The following ZBTB20 variants were observed in gnomAD, a reference collection of about 807,000 sequenced individuals.
The protein encoded by ZBTB20 is zinc finger and BTB domain-containing protein 20.
ZBTB20 carries 9 observed loss-of-function variants against 56.9 expected under a neutral mutation model. The ratio of observed to expected loss-of-function variants is 0.16; its 90% CI spans 0.10 to 0.28. The LOEUF (loss-of-function observed/expected upper bound fraction) is 0.28, where lower values mean the gene tolerates loss of function less well. Among genes scored for constraint, ZBTB20 ranks in the 10% least tolerant of loss-of-function variants. ZBTB20 has a pLI of 1.00. For synonymous variants in ZBTB20, 417 were observed against 420.7 expected, an observed-to-expected ratio of 0.99 and a Z score of 0.11; for missense variants, 655 against 1,003.0, an observed-to-expected ratio of 0.65 and a Z score of 4.69.
chr3:114,830,523 T>C lies in ZBTB20; in HGVS notation c.-416-29349A>G, dbSNP rs1288654747. Among the ~76,000 whole-genome samples the C allele has an allele frequency of 2.0e-5, 3 of 151,688 alleles. No homozygotes were observed. In the South Asian group the frequency reaches 6.2e-4, roughly 31 times the overall value. Reference sequence around the variant, plus strand: ...GAAAAATTAATGAGTCTCTCACTCCTGAAAAATTTAATATACCCTGAGCAC... The same window carrying C: ...GAAAAATTAATGAGTCTCTCACTCCCGAAAAATTTAATATACCCTGAGCAC... On this transcript the variant is annotated intron_variant, in intron 4 of 11. Coordinates refer to ENST00000675478, the MANE Select transcript of ZBTB20 (RefSeq NM_001348800.3).
chr3:115,020,931 T>C (rs1330774859), intron 2 of ZBTB20, among the ~76,000 whole-genome samples: 2 of 151,042 alleles, frequency 1.3e-5, no homozygotes, highest in Admixed American at 1.3e-4. Flanking sequence ...ATTATTGCTA[T>C]GGTATAACTT....
chr3:114,378,483 C>T (rs1390179507), intron 10 of ZBTB20, among the ~76,000 whole-genome samples: 1 of 152,238 alleles, frequency 6.6e-6, no homozygotes, highest in Non-Finnish European at 1.5e-5. Context: ...CACGCTGTTC[C>T]TGAAACTTAC....
At chr3:114,542,586 G>A (rs2049250395) in intron 6 of ZBTB20, among the ~76,000 whole-genome samples, 1 of 152,116 alleles carries the variant, frequency 6.6e-6, no homozygotes, top group Admixed American at 6.6e-5. Context: ...GGGAGAAAGT[G>A]TTTTTGCATT....
chr3:114,867,388 G>A (rs2075809603), intron 4 of ZBTB20, among the ~76,000 whole-genome samples: 1 of 152,142 alleles, frequency 6.6e-6, no homozygotes, highest in East Asian at 1.9e-4. Context: ...AAAGTAACAG[G>A]TTACAGGGAA....
In ZBTB20 at chr3:114,485,121, G is replaced by T. The variant is rs570476870; in HGVS notation, c.-255+15231C>A. On this transcript the variant is annotated intron_variant, in intron 7 of 11. Coordinates refer to ENST00000675478, the MANE Select transcript of ZBTB20 (RefSeq NM_001348800.3). ...CTATTTTCCCTGGATCCGCATGCTG[G>T]TCTGAAAGTCAATGCAGTCTGCCAA... Among the ~76,000 whole-genome samples the T allele has an allele frequency of 7.9e-5, 12 of 152,252 alleles. No individual in the cohort carries two copies. In the South Asian group the frequency reaches 1.9e-3, roughly 24 times the overall value.
At chr3:115,063,012 A>C (rs1033023714) in intron 2 of ZBTB20, among the ~76,000 whole-genome samples, 1 of 152,190 alleles carries the variant, frequency 6.6e-6, no homozygotes, top group African/African-American at 2.4e-5. Flanking sequence ...ATCAATAGTT[A>C]ATGCCTTTTT....
At chr3:114,877,166 C>A (rs1335116354) in intron 4 of ZBTB20, among the ~76,000 whole-genome samples, 3 of 152,164 alleles carry the variant, frequency 2.0e-5, no homozygotes, top group Non-Finnish European at 2.9e-5. Context: ...CTAGAGAATA[C>A]AAAGGTGTTT....
intron 4 of ZBTB20, among the ~76,000 whole-genome samples, chr3:114,887,245 A>C (rs891390215): frequency 2.0e-5 from 3 of 152,158 alleles, no homozygotes; most frequent in Non-Finnish European, 4.4e-5. Flanking sequence ...TTTCAACATG[A>C]GTTTTGGAGG....
intron 5 of ZBTB20, among the ~76,000 whole-genome samples, chr3:114,800,871 A>T (rs2071654215): frequency 6.6e-6 from 1 of 151,854 alleles, no homozygotes; most frequent in African/African-American, 2.4e-5. Flanking sequence ...TCCCTAATGA[A>T]ATTCAAACCA....
At position 114,316,463 on chromosome 3, in the gene ZBTB20, T is replaced by C. The variant is rs753155512; in HGVS notation, c.*22542A>G. On this transcript the variant is annotated 3_prime_UTR_variant, in exon 12 of 12. Coordinates refer to ENST00000675478, the MANE Select transcript of ZBTB20 (RefSeq NM_001348800.3). ...CATCTGATTTTGTTATGTGCATGTG[T>C]GTATATATGCACATATACACACCTA... is the stretch of plus-strand genomic sequence containing the variant. The C allele has an allele frequency of 4.1e-6, 2 of 493,516 alleles. No homozygotes were observed. Among genetic ancestry groups the C allele is most frequent in the Non-Finnish European group, 4.2e-6 (1 of 240,692 alleles). 30.6% of individuals were successfully genotyped at this position (493,516 alleles called of 1,614,324 possible). A position where few individuals can be genotyped will look rare whatever the true frequency, so the allele number is the denominator to read the frequency against.
chr3:114,634,030 T>C (rs1464527510), intron 6 of ZBTB20, among the ~76,000 whole-genome samples: 4 of 152,212 alleles, frequency 2.6e-5, no homozygotes, highest in African/African-American at 9.6e-5. Flanking sequence ...CTCATTGATT[T>C]ACATTATGTA....
chr3:114,729,091 A>T (rs912210380), intron 5 of ZBTB20, among the ~76,000 whole-genome samples: 1 of 151,960 alleles, frequency 6.6e-6, no homozygotes, highest in Non-Finnish European at 1.5e-5. Context: ...AATAAAAAAT[A>T]AAAAAACTGA....
intron 1 of ZBTB20, among the ~76,000 whole-genome samples, chr3:115,089,809 T>C (rs1473094712): frequency 6.6e-6 from 1 of 151,810 alleles, no homozygotes; most frequent in African/African-American, 2.4e-5. Flanking sequence ...CTTAGCAATA[T>C]CTCGCTTCCT....
At chr3:114,842,073 G>C (rs1423660937) in intron 4 of ZBTB20, among the ~76,000 whole-genome samples, 1 of 152,118 alleles carries the variant, frequency 6.6e-6, no homozygotes. Context: ...AAAATTATAA[G>C]ATAAGCAGGG....
intron 2 of ZBTB20, among the ~76,000 whole-genome samples, chr3:115,046,063 C>A (rs996402807): frequency 6.6e-6 from 1 of 152,122 alleles, no homozygotes; most frequent in Non-Finnish European, 1.5e-5. Flanking sequence ...TTCATTTGTA[C>A]TGAATCAGAA....
At chr3:114,622,317 GA>G (rs567082668) in intron 6 of ZBTB20, among the ~76,000 whole-genome samples, 1 of 151,428 alleles carries the variant, frequency 6.6e-6, no homozygotes, top group South Asian at 2.1e-4. Context: ...TTTTTCTTTA[GA>G]AAACAAGATA....
At chr3:114,430,804 C>T (rs1320303736) in intron 7 of ZBTB20, among the ~76,000 whole-genome samples, 1 of 152,182 alleles carries the variant, frequency 6.6e-6, no homozygotes. Context: ...CTGTTAACTG[C>T]CAGTAGATAG....
chr3:114,907,236 A>G lies in ZBTB20; in HGVS notation c.-455-6894T>C, dbSNP rs181354348. On this transcript the variant is annotated intron_variant, in intron 3 of 11. Transcript: ENST00000675478. ...GAATGTAGTTAGGCTAATTTTTTGC[A>G]TTTTGTGCTCATCAGACAGTGGCTA... Among the ~76,000 whole-genome samples the G allele has an allele frequency of 8.9e-4, 135 of 151,854 alleles. 2 individuals carry two copies. The highest frequency in any genetic ancestry group is 2.1e-3 in the South Asian group (10 of 4,820).
At position 114,678,274 on chromosome 3, in the gene ZBTB20, C is replaced by T. The variant is rs181606010; in HGVS notation, c.-295+15254G>A. 1.8e-3 allele frequency among the ~76,000 whole-genome samples: 277 copies of T among 152,246 alleles called. 1 individual carries two copies. The highest frequency in any genetic ancestry group is 7.1e-3 in the South Asian group (34 of 4,816). ...CTCTCCATTGGTGCCTTGGCATCAT[C>T]AACCAATATCAGCATCACTCTGAAA... On this transcript the variant is annotated intron_variant, in intron 6 of 11. Coordinates refer to ENST00000675478, the MANE Select transcript of ZBTB20 (RefSeq NM_001348800.3).
Sources: gnomAD v4.1 joint callset for allele counts (sites outside exome capture counted in the v4.1 genomes callset) on GRCh38, gnomAD v4.1.1 for gene constraint, MANE v1.5 for transcripts, NCBI Gene and HGNC (gene_info 2026-07-23, HGNC 2026-07-21) for gene names.